MCF2: variants seen among roughly 807,000 people sequenced by gnomAD.
The protein encoded by MCF2 is MCF.2 cell line derived transforming sequence.
In MCF2, 44 loss-of-function variants were observed where a neutral mutation model predicts 82.5. That is an observed-to-expected ratio of 0.53 (90% CI 0.42 to 0.69). MCF2 has a LOEUF of 0.69. Ranked by LOEUF, MCF2 falls within the 30% of genes least tolerant of loss-of-function variation. The pLI, the probability that MCF2 is intolerant of heterozygous loss-of-function variation, is 0.00. For missense variants in MCF2, 623 were observed against 663.1 expected, an observed-to-expected ratio of 0.94 and a Z score of 0.66; for synonymous variants, 217 against 224.9, an observed-to-expected ratio of 0.96 and a Z score of 0.32.
chrX:139,613,180 A>G (rs1931626330), intron 10 of MCF2, 36 bp downstream of exon 14: 1 of 1,036,794 alleles, frequency 9.6e-7, no homozygotes, highest in Non-Finnish European at 1.3e-6. Context: ...ACTCAGAAAA[A>G]TGTATTGGCA....
chrX:139,642,171 C>T (rs1332906439), intron 1 of MCF2, among the ~76,000 whole-genome samples: 1 of 111,405 alleles, frequency 9.0e-6, no homozygotes, highest in Non-Finnish European at 1.9e-5. Flanking sequence ...CTATGCTGTC[C>T]AATGATTCAA....
chrX:139,698,732 A>G (rs1935428544), intron 1 of MCF2, among the ~76,000 whole-genome samples: 2 of 112,171 alleles, frequency 1.8e-5, no homozygotes, highest in South Asian at 7.5e-4. Context: ...ATGACCAATA[A>G]GAAATGTACA....
intron 2 of MCF2, among the ~76,000 whole-genome samples, chrX:139,632,062 TAC>T (rs1297797517): frequency 1.8e-5 from 2 of 111,267 alleles, no homozygotes; most frequent in African/African-American, 6.5e-5. Context: ...CACATACATA[TAC>T]ACACATGCAC....
Position 139,605,707 on chromosome X carries a change from G to A in MCF2, c.1557+6C>T, listed in dbSNP as rs1219421117. On this transcript the variant is annotated splice_donor_region_variant and intron_variant, in intron 13 of 24. Transcript: ENST00000370576. Reference sequence around the variant, plus strand: ...AGATAGGGCAAATACAATTTGAGTCGCTTACCAACAAAACAGTATACAGTT... The same window carrying A: ...AGATAGGGCAAATACAATTTGAGTCACTTACCAACAAAACAGTATACAGTT... 5.1e-6 allele frequency: 6 copies of A among 1,187,021 alleles called. No homozygotes were observed. The highest frequency in any genetic ancestry group is 5.7e-6 in the Non-Finnish European group (5 of 881,793).
chrX:139,611,758 T>C (rs933552349), intron 10 of MCF2, among the ~76,000 whole-genome samples: 1 of 110,854 alleles, frequency 9.0e-6, no homozygotes, highest in Non-Finnish European at 1.9e-5. Context: ...AATTTGGGGG[T>C]ACTTGTTATC....
rs2096574524 is a variant in MCF2, at chrX:139,597,560, C to T, written c.1955G>A (p.Cys652Tyr). ...CTTCTTCAACAGAGCAGATCCTTCA[C>T]AGTCTTTGCTATATTTTAATAGCTC... Residue 652 changes from cysteine to tyrosine, a missense_variant, in exon 18 of 25, where the codon TGT becomes TAT. Physicochemically the swap from Cys to Tyr is radical, Grantham distance 194. Transcript: ENST00000370576. The T allele has an allele frequency of 2.6e-6, 3 of 1,158,558 alleles. No individual in the cohort carries two copies. Among genetic ancestry groups the T allele is most frequent in the Admixed American group, 4.7e-5 (2 of 42,314 alleles).
intron 1 of MCF2, among the ~76,000 whole-genome samples, chrX:139,672,590 T>C (rs1156795519): frequency 8.9e-6 from 1 of 112,302 alleles, no homozygotes; most frequent in Non-Finnish European, 1.9e-5. Flanking sequence ...TTTTTGCCGT[T>C]GGTCCTGTTT....
At chrX:139,595,647 C>A (rs780181181) in intron 19 of MCF2, among the ~76,000 whole-genome samples, 2 of 106,764 alleles carry the variant, frequency 1.9e-5, no homozygotes, top group African/African-American at 3.4e-5. Flanking sequence ...TTAATGGGTG[C>A]AGCACACCAG....
intron 1 of MCF2, among the ~76,000 whole-genome samples, chrX:139,665,899 A>G (rs183783599): frequency 0.22 from 17,596 of 81,424 alleles, 2,434 homozygotes; most frequent in African/African-American, 0.49. Context: ...GTGTGTGTGT[A>G]TATATATATA....
intron 24 of MCF2, among the ~76,000 whole-genome samples, chrX:139,583,608 A>G: frequency 9.0e-6 from 1 of 111,169 alleles, no homozygotes; most frequent in Non-Finnish European, 1.9e-5. Context: ...AGAGGGAGGA[A>G]AGAGGGTTGG....
chrX:139,620,029 A>ATGTGTGTGTGTGTGTGTGTGTG (rs1932235931), intron 6 of MCF2, among the ~76,000 whole-genome samples: 3 of 91,903 alleles, frequency 3.3e-5, no homozygotes, highest in Non-Finnish European at 4.3e-5. Context: ...GTGTGTGTGT[A>ATGTGTGTGTGTGTGTGTGTGTG]TATATATATA....
intron 15 of MCF2, among the ~76,000 whole-genome samples, chrX:139,604,350 G>C (rs1930810042): frequency 9.1e-6 from 1 of 109,497 alleles, no homozygotes; most frequent in Non-Finnish European, 1.9e-5. Flanking sequence ...AGCCCCAGAT[G>C]GTTTTGTTAT....
intron 3 of MCF2, 115 bp downstream of exon 6, chrX:139,631,280 G>T: frequency 2.4e-6 from 1 of 421,327 alleles, no homozygotes; most frequent in Non-Finnish European, 4.0e-6. Context: ...AGAAAGCTGG[G>T]GTTTTTTTGT....
intron 1 of MCF2, among the ~76,000 whole-genome samples, chrX:139,664,333 C>A (rs886423601): frequency 5.4e-4 from 59 of 109,306 alleles, no homozygotes; most frequent in Non-Finnish European, 9.3e-4. Flanking sequence ...AAAAAAAAAA[C>A]CATTTTTGAT....
Position 139,659,180 on chromosome X carries a change from C to T in MCF2, c.-44-7392G>A, listed in dbSNP as rs193148765. 3.3e-3 allele frequency among the ~76,000 whole-genome samples: 364 copies of T among 110,374 alleles called. 2 individuals are homozygous for T. Among genetic ancestry groups the T allele is most frequent in the Middle Eastern group, 9.2e-3 (2 of 217 alleles). On this transcript the variant is annotated intron_variant, in intron 1 of 27. Coordinates refer to the MCF2 transcript ENST00000414978. ...GCACGTGCCTGTAGTCCCAGCTACTCGGGAGGCCCGGCAGGAGAATTGCTT... is the reference window on the plus strand; with the variant it reads ...GCACGTGCCTGTAGTCCCAGCTACTTGGGAGGCCCGGCAGGAGAATTGCTT...
intron 1 of MCF2, among the ~76,000 whole-genome samples, chrX:139,682,854 T>A (rs1163709054): frequency 1.8e-5 from 2 of 112,519 alleles, no homozygotes; most frequent in Non-Finnish European, 3.7e-5. Flanking sequence ...AGAGATCAGG[T>A]TGATACCTTC....
At chrX:139,599,606 G>A (rs1242600294) in intron 16 of MCF2, among the ~76,000 whole-genome samples, 2 of 111,037 alleles carry the variant, frequency 1.8e-5, no homozygotes, top group African/African-American at 6.5e-5. Context: ...GTAAAGGTGC[G>A]GTTCAAGAAA....
chrX:139,609,337 G>A (rs1024522950), intron 11 of MCF2, among the ~76,000 whole-genome samples: 7 of 112,495 alleles, frequency 6.2e-5, no homozygotes, highest in Admixed American at 3.8e-4. Flanking sequence ...CTGAGGCCAG[G>A]AGTTTAAGAT....
At chrX:139,692,135 C>G in intron 1 of MCF2, 2 of 1,149,716 alleles carry the variant, frequency 1.7e-6, no homozygotes, top group Non-Finnish European at 2.3e-6. Flanking sequence ...TGTGCCTGGC[C>G]GCCCGCCTTG....
Sources: gnomAD v4.1 joint callset for allele counts (sites outside exome capture counted in the v4.1 genomes callset) on GRCh38, gnomAD v4.1.1 for gene constraint, MANE v1.5 for transcripts, NCBI Gene and HGNC (gene_info 2026-07-23, HGNC 2026-07-21) for gene names.